The following NOTCH3 variants were observed in gnomAD, a reference collection of about 807,000 sequenced individuals.
The protein encoded by NOTCH3 is notch receptor 3, also known as neurogenic locus notch homolog protein 3.
NOTCH3 carries 86 observed loss-of-function variants against 213.3 expected under a neutral mutation model. The observed-to-expected ratio is 0.40, with a 90% CI of 0.34 to 0.48. The LOEUF is 0.48. Among genes scored for constraint, NOTCH3 ranks in the 20% least tolerant of loss-of-function variants. The pLI is 0.57. For missense variants in NOTCH3, 2,783 were observed against 3,272.6 expected (o/e 0.85, Z 3.65); for synonymous variants, 1,354 against 1,355.9 (o/e 1.00, Z 0.03).
chr19:15,188,245 G>A lies in NOTCH3; in HGVS notation c.1482C>T (p.Thr494=). 6.3e-7 allele frequency: 1 copy of A among 1,598,532 alleles called. No individual in the cohort carries two copies. The highest frequency in any genetic ancestry group is 1.1e-5 in the South Asian group (1 of 88,584). Residue 494 remains threonine, a synonymous_variant, in exon 9 of 33, where the codon ACC becomes ACT. Transcript: ENST00000263388. ...TCCTGAGGTCCTCACCCGAGGGGCA[G>A]GTGCAGCTGAAGCCATTGACTCGGT... ...CKDRVNGFSC[T]CPSGFSGSTC... is the part of the protein sequence containing the mutation.
intron 23 of NOTCH3, 50 bp from the exon 24 acceptor site, chr19:15,178,140 G>T: frequency 2.6e-6 from 3 of 1,152,528 alleles, no homozygotes; most frequent in South Asian, 1.4e-5. Context: ...GTGGGGAGTG[G>T]AGGGAAGGAG....
At chr19:15,198,279 T>C (rs748632386) in intron 1 of NOTCH3, among the ~76,000 whole-genome samples, 6 of 152,096 alleles carry the variant, frequency 3.9e-5, no homozygotes, top group Non-Finnish European at 8.8e-5. Context: ...TGTGGCTGGG[T>C]CTGAGCTAGT....
chr19:15,185,017 G>T lies in NOTCH3; in HGVS notation c.2299C>A (p.Arg767Ser). The T allele has an allele frequency of 6.8e-7, 1 of 1,475,078 alleles. No homozygotes were observed. The highest frequency in any genetic ancestry group is 9.2e-7 in the Non-Finnish European group (1 of 1,088,162). 91.4% of individuals were successfully genotyped at this position (1,475,078 alleles called of 1,614,324 possible). Residue 767 changes from arginine (R) to serine (S), a missense_variant and splice_region_variant, in exon 15 of 33, where the codon CGT becomes AGT. Arg to Ser is a moderately radical substitution (Grantham distance 110). This residue lies in a region of NOTCH3 where 861 missense variants were observed against 909.1 expected (regional missense o/e 0.95). Transcript: ENST00000263388. This position sits in a 1 kb window ranked among gnomAD's most constrained non-coding sequence, Gnocchi z 4.2. ...CAGGGGGAGAGGAGTTCACACTGAC[G>T]TCCTGTTGGGGGTGGAAGAGAGGGA... ...HCTCPPGVQG[R>S]QCELLSPCTP... is the part of the protein sequence containing the mutation.
chr19:15,161,982 C>CTTTTTTTT (rs71168583), intron 32 of NOTCH3, among the ~76,000 whole-genome samples: 3 of 114,712 alleles, frequency 2.6e-5, no homozygotes, highest in African/African-American at 3.5e-5. Flanking sequence ...TTTTTCTTGT[C>CTTTTTTTT]TTTTTTTTTT....
chr19:15,177,637 G>C lies in NOTCH3; in HGVS notation c.4291C>G (p.Leu1431Val). Residue 1431 changes from leucine to valine, a missense_variant, in exon 24 of 33, where the codon CTG becomes GTG. Transcript: ENST00000263388. ...TTGTTGAAGAGGCGCCAGCACTGCA[G>C]CGCCTCGCATTGCCGCCAGGGGTCG... is the stretch of plus-strand genomic sequence containing the variant. ...VGDPWRQCEA[L>V]QCWRLFNNSR... 1 of 1,574,108 alleles carries C rather than the reference G, an allele frequency of 6.4e-7. No homozygotes were observed.
rs778098192 is a variant in NOTCH3, at chr19:15,160,742, C to T, written c.6886G>A (p.Val2296Ile). ...ALPAQPLPLS[V>I]PSSLAQAQTQ... ...TGGGCCTGAGCAAGGGAGCTGGGAA[C>T]AGACAAGGGAAGTGGCTGGGCAGGC... is the stretch of plus-strand genomic sequence containing the variant. Residue 2296 changes from valine (V) to isoleucine (I), a missense_variant, in exon 33 of 33, where the codon GTT becomes ATT. Val to Ile is a conservative substitution (Grantham distance 29). This residue lies in a region of NOTCH3 where 441 missense variants were observed against 432.1 expected (regional missense o/e 1.02). Coordinates refer to ENST00000263388, the MANE Select transcript of NOTCH3 (RefSeq NM_000435.3). The T allele has an allele frequency of 6.2e-7, 1 of 1,614,182 alleles. No homozygotes were observed. The highest frequency in any genetic ancestry group is 1.3e-5 in the African/African-American group (1 of 75,062).
intron 1 of NOTCH3, among the ~76,000 whole-genome samples, chr19:15,197,818 G>A (rs1287727902): frequency 1.3e-5 from 2 of 148,512 alleles, no homozygotes; most frequent in African/African-American, 5.0e-5. Flanking sequence ...CAAAGCAGGG[G>A]AAGGCAGGAG....
intron 10 of NOTCH3, 108 bp from the exon 11 acceptor site, chr19:15,187,446 C>T: frequency 1.0e-6 from 1 of 977,888 alleles, no homozygotes; most frequent in Non-Finnish European, 1.5e-6. Flanking sequence ...GCCCATCAAG[C>T]TGTCAGGAGG....
intron 24 of NOTCH3, 39 bp downstream of exon 24, chr19:15,177,486 A>G: frequency 6.4e-7 from 1 of 1,571,628 alleles, no homozygotes; most frequent in Non-Finnish European, 8.7e-7. Flanking sequence ...ACTGGGATGG[A>G]TGCATAGACA....
Position 15,192,165 on chromosome 19 carries a change from G to T in NOTCH3, c.474C>A (p.Asp158Glu). Residue 158 changes from aspartate (D) to glutamate (E), a missense_variant, in exon 4 of 33, where the codon GAC becomes GAA. By Grantham distance (45) the Asp-to-Glu change is conservative (BLOSUM62 2). Around this residue, in one of 6 missense-constraint regions of NOTCH3, gnomAD observed 708 missense variants for 906.6 expected, o/e 0.78. Transcript: ENST00000263388. ...GCTCACCCACCCGGCACTCATCCAC[G>T]TCGCTTCGGCAGCTGCGGCCCTGGT... ...PGYQGRSCRSDVDECRVGEPC... is the reference protein window; with the variant it reads ...PGYQGRSCRSEVDECRVGEPC... The T allele has an allele frequency of 1.2e-6, 2 of 1,612,732 alleles. No homozygotes were observed. Among genetic ancestry groups the T allele is most frequent in the Admixed American group, 1.7e-5 (1 of 59,988 alleles).
chr19:15,174,810 G>A (rs1212302353), intron 24 of NOTCH3, among the ~76,000 whole-genome samples: 1 of 152,138 alleles, frequency 6.6e-6, no homozygotes, highest in Non-Finnish European at 1.5e-5. Context: ...CTGACCTCAG[G>A]TGATCCACCT....
rs61731975 is a variant in NOTCH3 at position 15,160,875 on chromosome 19, G to A, written c.6753C>T (p.Ser2251=). 7,561 of 1,613,580 alleles carry A rather than the reference G, an allele frequency of 4.7e-3. 300 individuals are homozygous for A. In the African/African-American group the frequency reaches 0.089, roughly 19 times the overall value. Residue 2251 remains serine, a synonymous_variant, in exon 33 of 33, where the codon TCC becomes TCT. Transcript: ENST00000263388. ...GTGAGGGGCTGGCCCAGTGCTCAGG[G>A]GATTCGGGGGATGGGGTCAGGTAAG... The part of the protein sequence containing the change: ...EHPYLTPSPE[S]PEHWASPSPP...
chr19:15,173,963 A>G (rs552869546), intron 25 of NOTCH3, 105 bp downstream of exon 25: 2 of 989,304 alleles, frequency 2.0e-6, no homozygotes, highest in South Asian at 3.4e-5. Flanking sequence ...TGCTCCTGAC[A>G]TCTGGTGGGT....
intron 24 of NOTCH3, among the ~76,000 whole-genome samples, chr19:15,176,244 C>T (rs1028716050): frequency 1.3e-5 from 2 of 150,232 alleles, no homozygotes; most frequent in African/African-American, 4.9e-5. Context: ...TCTCAGCTCA[C>T]CTCATCCTCC....
At chr19:15,186,602 G>A (rs532642283) in intron 12 of NOTCH3, among the ~76,000 whole-genome samples, 16 of 151,898 alleles carry the variant, frequency 1.1e-4, no homozygotes, top group South Asian at 6.2e-4. Context: ...ATGGGGCTTC[G>A]CAACGTTGGC....
intron 6 of NOTCH3, among the ~76,000 whole-genome samples, chr19:15,191,074 C>T (rs567088737): frequency 6.7e-6 from 1 of 148,802 alleles, no homozygotes; most frequent in East Asian, 2.0e-4. Flanking sequence ...CACTCTGTCA[C>T]CCAGGCTAGA....
chr19:15,174,308 T>C lies in NOTCH3; in HGVS notation c.4496A>G (p.Asp1499Gly). 6.4e-7 allele frequency: 1 copy of C among 1,555,044 alleles called. No homozygotes were observed. Among genetic ancestry groups the C allele is most frequent in the Non-Finnish European group, 8.7e-7 (1 of 1,150,600 alleles). ...NTEECGWDGLDCASEVPALLA... is the reference protein window; with the variant it reads ...NTEECGWDGLGCASEVPALLA... The stretch of plus-strand genomic sequence containing the variant: ...CAGGGCCGGCACCTCGCTGGCACAA[T>C]CCAGCCCATCCCAGCCGCACTCCTC... Residue 1499 changes from aspartate (D) to glycine (G), a missense_variant, in exon 25 of 33, where the codon GAT becomes GGT. This residue lies in a region of NOTCH3 where 636 missense variants were observed against 801.8 expected (regional missense o/e 0.79). Coordinates refer to ENST00000263388, the MANE Select transcript of NOTCH3 (RefSeq NM_000435.3).
At chr19:15,197,642 C>A (rs554898285) in intron 1 of NOTCH3, 64 bp from the exon 2 acceptor site, 41 of 1,446,734 alleles carry the variant, frequency 2.8e-5, no homozygotes, top group Admixed American at 7.2e-5. Context: ...GCCCAAGTGA[C>A]AAACCCCCTC....
At chr19:15,183,946 G>A (rs747609965) in intron 16 of NOTCH3, among the ~76,000 whole-genome samples, 4 of 151,246 alleles carry the variant, frequency 2.6e-5, no homozygotes, top group Non-Finnish European at 5.9e-5. Context: ...CAGCCACTGG[G>A]GAGGCTGAGG....
Sources: gnomAD v4.1 joint callset for allele counts (sites outside exome capture counted in the v4.1 genomes callset) on GRCh38, gnomAD v4.1.1 for gene constraint, gnomAD v4.1.1 regional missense constraint, Gnocchi (gnomAD v3.1) non-coding constraint, MANE v1.5 for transcripts, NCBI Gene and HGNC (gene_info 2026-07-23, HGNC 2026-07-21) for gene names.